The following RPGRIP1L variants were observed in gnomAD, a reference collection of about 807,000 sequenced individuals.
RPGRIP1L encodes RPGRIP1 like.
In RPGRIP1L, 131 loss-of-function variants were observed where a neutral mutation model predicts 160.4. The observed-to-expected ratio is 0.82, with a 90% CI of 0.71 to 0.94. RPGRIP1L has a LOEUF of 0.94. RPGRIP1L is among the 40% of genes least tolerant of loss of function. The probability of loss-of-function intolerance (pLI) is 0.00; values close to 1 mark genes in which losing one functional copy is unlikely to be tolerated. For synonymous variants in RPGRIP1L, 510 were observed against 515.8 expected (o/e 0.99, Z 0.15); for missense variants, 1,522 against 1,535.8 (o/e 0.99, Z 0.15).
chr16:53,648,939 G>C (rs1193944542), intron 16 of RPGRIP1L, 25 bp downstream of exon 16: 1 of 1,600,708 alleles, frequency 6.2e-7, no homozygotes. Context: ...TGTCATAAAA[G>C]GGTCTTAAAG....
intron 24 of RPGRIP1L, among the ~76,000 whole-genome samples, chr16:53,615,388 T>C (rs1259603529): frequency 4.0e-5 from 6 of 151,468 alleles, no homozygotes; most frequent in Admixed American, 1.3e-4. Context: ...AAATGTTTTG[T>C]TCCTGCTACC....
chr16:53,688,059 CTT>C, intron 4 of RPGRIP1L, 94 bp from the exon 5 acceptor site: 2 of 804,922 alleles, frequency 2.5e-6, no homozygotes, highest in Non-Finnish European at 2.1e-6. Flanking sequence ...AATAAAATCT[CTT>C]AAGTATTAAG....
At chr16:53,690,189 G>C (rs1444233415) in intron 4 of RPGRIP1L, among the ~76,000 whole-genome samples, 1 of 151,960 alleles carries the variant, frequency 6.6e-6, no homozygotes, top group Non-Finnish European at 1.5e-5. Flanking sequence ...TAAAATCTGG[G>C]CATTATAGAC....
chr16:53,691,443 A>T (rs1036675806), intron 4 of RPGRIP1L, among the ~76,000 whole-genome samples: 1 of 152,180 alleles, frequency 6.6e-6, no homozygotes, highest in African/African-American at 2.4e-5. Flanking sequence ...AAGTGAACAA[A>T]GTGATTGGCC....
At chr16:53,611,852 ATTTC>A (rs1964062859) in intron 24 of RPGRIP1L, among the ~76,000 whole-genome samples, 1 of 152,130 alleles carries the variant, frequency 6.6e-6, no homozygotes, top group Admixed American at 6.5e-5. Context: ...TTCTGAAGAC[ATTTC>A]TTTTTCATAG....
chr16:53,661,450 TG>T, intron 10 of RPGRIP1L, among the ~76,000 whole-genome samples: 1 of 152,238 alleles, frequency 6.6e-6, no homozygotes, highest in South Asian at 2.1e-4. Context: ...AATAAGTAAG[TG>T]GGACTCTGTA....
intron 16 of RPGRIP1L, among the ~76,000 whole-genome samples, chr16:53,646,404 G>GC (rs1158972675): frequency 2.0e-5 from 3 of 152,102 alleles, no homozygotes; most frequent in Non-Finnish European, 4.4e-5. Context: ...ATTTGGGTTG[G>GC]CCCTCATCCT....
At chr16:53,667,219 T>C (rs967927379) in intron 9 of RPGRIP1L, among the ~76,000 whole-genome samples, 9 of 152,228 alleles carry the variant, frequency 5.9e-5, no homozygotes, top group African/African-American at 2.2e-4. Context: ...TGCAGTGGAA[T>C]GCCCATTGCT....
At chr16:53,659,279 T>A in intron 10 of RPGRIP1L, 1 of 690,030 alleles carries the variant, frequency 1.4e-6, no homozygotes, top group Non-Finnish European at 1.8e-6. Context: ...TTGACATCTT[T>A]GAATTTTATT....
chr16:53,637,933 T>C (rs2151037537), intron 20 of RPGRIP1L, 79 bp from the exon 21 acceptor site: 1 of 1,411,850 alleles, frequency 7.1e-7, no homozygotes, highest in Non-Finnish European at 1.0e-6. Flanking sequence ...AACAGTTGAA[T>C]AATAAAGCAT....
At chr16:53,616,101 C>G (rs1207609299) in intron 24 of RPGRIP1L, among the ~76,000 whole-genome samples, 4 of 152,166 alleles carry the variant, frequency 2.6e-5, no homozygotes, top group Non-Finnish European at 4.4e-5. Flanking sequence ...CAGCTAACCT[C>G]TCTACTGCAT....
intron 19 of RPGRIP1L, among the ~76,000 whole-genome samples, chr16:53,638,839 GTAT>G (rs1966014631): frequency 2.0e-5 from 3 of 151,848 alleles, no homozygotes; most frequent in African/African-American, 7.2e-5. Context: ...ATATATAGTT[GTAT>G]TATGTTTGAT....
intron 4 of RPGRIP1L, among the ~76,000 whole-genome samples, chr16:53,689,325 C>T (rs1161551478): frequency 6.6e-6 from 1 of 152,008 alleles, no homozygotes; most frequent in Non-Finnish European, 1.5e-5. Flanking sequence ...TGCTATAAAA[C>T]ACTAGAACTT....
rs74396053 is a variant in RPGRIP1L, at chr16:53,652,561, C to A, written c.2126G>T (p.Arg709Leu). The change falls in exon 15 of 27, where the codon CGA becomes CTA. Residue 709 changes from arginine to leucine, a missense_variant. By Grantham distance (102) the Arg-to-Leu change is moderately radical (BLOSUM62 -2). Transcript: ENST00000647211. Reference sequence around the variant, plus strand: ...AATCAAACTTGCTGTACAAAATATTCGGCCGCTTTTTTCAAGAATTTCGTG... The same window carrying A: ...AATCAAACTTGCTGTACAAAATATTAGGCCGCTTTTTTCAAGAATTTCGTG... ...KFHEILEKSG[R>L]IFCTASLIGT... 1 of 1,613,780 alleles carries A rather than the reference C, an allele frequency of 6.2e-7. No homozygotes were observed. Among genetic ancestry groups the A allele is most frequent in the Non-Finnish European group, 8.5e-7 (1 of 1,179,842 alleles).
At chr16:53,683,659 A>T (rs1969768709) in intron 6 of RPGRIP1L, among the ~76,000 whole-genome samples, 1 of 151,368 alleles carries the variant, frequency 6.6e-6, no homozygotes, top group Non-Finnish European at 1.5e-5. Flanking sequence ...GGGGTTCAAT[A>T]TACTATTCTC....
At chr16:53,613,784 T>C (rs1006268882) in intron 24 of RPGRIP1L, among the ~76,000 whole-genome samples, 7 of 152,214 alleles carry the variant, frequency 4.6e-5, no homozygotes, top group African/African-American at 1.7e-4. Flanking sequence ...CTGGGTACTA[T>C]TTATGTGCTA....
chr16:53,676,444 T>TC (rs1345559893), intron 6 of RPGRIP1L, among the ~76,000 whole-genome samples: 1 of 151,976 alleles, frequency 6.6e-6, no homozygotes, highest in East Asian at 1.9e-4. Flanking sequence ...AAGAAAATAT[T>TC]CTTTTTTTCA....
rs539084201 is a variant in RPGRIP1L at position 53,622,350 on chromosome 16, C to T, written c.3301G>A (p.Ala1101Thr). 2.5e-5 allele frequency: 15 copies of T among 593,540 alleles called. No homozygotes were observed. Among genetic ancestry groups the T allele is most frequent in the Non-Finnish European group, 3.0e-5 (10 of 328,058 alleles). The allele number at this position is 593,540 out of a possible 1,614,324, so 36.8% of individuals were successfully genotyped here. The change falls in exon 23 of 27, where the codon GCA (alanine) becomes ACA (threonine). Residue 1101 changes from alanine (A) to threonine (T), a missense_variant. Transcript: ENST00000647211. ...PISKNIKQSL[A>T]LSPGLGCSSA... is the part of the protein sequence containing the mutation. ...CTGCACCCCAGCCCGGGAGACAATG[C>T]GAGACTCTGTCTCAAAAAAAAAAAA...
intron 22 of RPGRIP1L, among the ~76,000 whole-genome samples, chr16:53,627,318 C>T (rs1230050348): frequency 6.6e-6 from 1 of 152,130 alleles, no homozygotes; most frequent in East Asian, 1.9e-4. Flanking sequence ...TACAGGTGAG[C>T]TTAATTTTAT....
Sources: allele counts gnomAD v4.1 joint callset (sites outside exome capture counted in the v4.1 genomes callset), GRCh38; gene constraint gnomAD v4.1.1; transcripts MANE v1.5; gene names NCBI Gene and HGNC (gene_info 2026-07-23, HGNC 2026-07-21).